TMEM132D: variants seen among roughly 807,000 people sequenced by gnomAD.
The protein encoded by TMEM132D is transmembrane protein 132D, also known as mature OL transmembrane protein.
Under a neutral mutation model 62.3 loss-of-function variants are expected in TMEM132D, and 21 were observed. The ratio of observed to expected loss-of-function variants is 0.34; its 90% CI spans 0.24 to 0.49. The LOEUF (loss-of-function observed/expected upper bound fraction) is 0.49, where lower values mean the gene tolerates loss of function less well. Ranked by LOEUF, TMEM132D falls within the 20% of genes least tolerant of loss-of-function variation. The probability of loss-of-function intolerance (pLI) is 0.99; values close to 1 mark genes in which losing one functional copy is unlikely to be tolerated. For missense variants in TMEM132D, 1,346 were observed against 1,402.8 expected (o/e 0.96, Z 0.65); for synonymous variants, 621 against 575.6 (o/e 1.08, Z -1.13).
intron 5 of TMEM132D, among the ~76,000 whole-genome samples, chr12:129,187,086 A>G (rs1878241389): frequency 6.6e-6 from 1 of 152,184 alleles, no homozygotes; most frequent in African/African-American, 2.4e-5. Flanking sequence ...TCCCAGGCAC[A>G]CGGCTAGCCT....
rs529646726 is a variant in TMEM132D, at chr12:129,763,371, CCCGA to C, written c.80-62677_80-62674del. 5.9e-4 allele frequency among the ~76,000 whole-genome samples: 90 copies of C among 151,898 alleles called. 1 individual carries two copies. The South Asian group carries it at 0.018, about 31-fold the overall frequency. Reference sequence around the variant, plus strand: ...GGGGTTACGGGCATGTGCCACCATGCCCGACCAAGAACTCAACTTTTAAAACTTG... The same window carrying C: ...GGGGTTACGGGCATGTGCCACCATGCCCAAGAACTCAACTTTTAAAACTTG... On this transcript the variant is annotated intron_variant, in intron 1 of 8. Coordinates refer to ENST00000422113, the MANE Select transcript of TMEM132D (RefSeq NM_133448.3).
At chr12:129,158,488 A>T (rs1419586368) in intron 5 of TMEM132D, among the ~76,000 whole-genome samples, 5 of 152,260 alleles carry the variant, frequency 3.3e-5, no homozygotes, top group African/African-American at 1.2e-4. Context: ...AGAACATAAA[A>T]GTGGTTTGGA....
intron 2 of TMEM132D, among the ~76,000 whole-genome samples, chr12:129,694,786 C>A (rs1453008730): frequency 4.6e-5 from 7 of 152,104 alleles, no homozygotes; most frequent in South Asian, 2.1e-4. Context: ...AGGCGGGCAG[C>A]TCACGAGGTC....
intron 5 of TMEM132D, among the ~76,000 whole-genome samples, chr12:129,088,670 C>A (rs371280007): frequency 0.017 from 741 of 44,738 alleles, 129 homozygotes; most frequent in Non-Finnish European, 0.019. Flanking sequence ...GGTGTCCTCC[C>A]TGACCGGGGT....
chr12:129,130,913 C>T (rs1440348544), intron 5 of TMEM132D, among the ~76,000 whole-genome samples: 1 of 152,168 alleles, frequency 6.6e-6, no homozygotes, highest in East Asian at 1.9e-4. Flanking sequence ...TTGGGATTGT[C>T]TGGGGAGCTT....
In TMEM132D at chr12:129,862,185, C is replaced by T. The variant is rs12309791; in HGVS notation, c.79+41076G>A. 4.3e-3 allele frequency among the ~76,000 whole-genome samples: 650 copies of T among 152,272 alleles called. 4 individuals carry two copies. Among genetic ancestry groups the T allele is most frequent in the African/African-American group, 0.015 (626 of 41,548 alleles). On this transcript the variant is annotated intron_variant, in intron 1 of 8. Coordinates refer to ENST00000422113, the MANE Select transcript of TMEM132D (RefSeq NM_133448.3). ...CCCGGTGGTGATAAATCAGGTCTGTCTGGGAAGTGGGAAAAATAAACCTGT... is the reference window on the plus strand; with the variant it reads ...CCCGGTGGTGATAAATCAGGTCTGTTTGGGAAGTGGGAAAAATAAACCTGT...
intron 2 of TMEM132D, among the ~76,000 whole-genome samples, chr12:129,623,771 A>G (rs1003216004): frequency 8.0e-5 from 12 of 150,010 alleles, no homozygotes; most frequent in Non-Finnish European, 1.5e-4. Context: ...ACATATATAT[A>G]CACATATATA....
At chr12:129,317,000 CT>C (rs1868509126) in intron 4 of TMEM132D, among the ~76,000 whole-genome samples, 1 of 152,002 alleles carries the variant, frequency 6.6e-6, no homozygotes, top group Admixed American at 6.6e-5. Flanking sequence ...TCGTATGACA[CT>C]CCTTTACTTT....
Position 129,561,947 on chromosome 12 carries a change from G to C in TMEM132D, c.969-30742C>G, listed in dbSNP as rs149386240. ...CGTTTGAACTGAAGGAAGGTGAAAA[G>C]TTTCTGTGCAAATTAATTCAGAGCG... On this transcript the variant is annotated intron_variant, in intron 2 of 8. Coordinates refer to ENST00000422113, the MANE Select transcript of TMEM132D (RefSeq NM_133448.3). Among the ~76,000 whole-genome samples, 31 of 152,298 alleles carry C rather than the reference G, an allele frequency of 2.0e-4. No homozygotes were observed. In the East Asian group the frequency reaches 3.3e-3, roughly 16 times the overall value.
chr12:129,841,686 C>T (rs1277309661), intron 1 of TMEM132D, among the ~76,000 whole-genome samples: 3 of 152,128 alleles, frequency 2.0e-5, no homozygotes, highest in Non-Finnish European at 2.9e-5. Context: ...GAGAACTCAA[C>T]GACGAAGTTG....
chr12:129,207,262 C>T (rs75778045), intron 5 of TMEM132D, among the ~76,000 whole-genome samples: 3,831 of 151,360 alleles, frequency 0.025, 164 homozygotes, highest in African/African-American at 0.088. Flanking sequence ...TACAGCACCG[C>T]CCTCATGGAG....
chr12:129,408,958 A>C (rs969534226), intron 3 of TMEM132D, among the ~76,000 whole-genome samples: 4 of 151,928 alleles, frequency 2.6e-5, no homozygotes, highest in Non-Finnish European at 5.9e-5. Context: ...TTTGAGATGG[A>C]GTCTTGCTCT....
chr12:129,670,184 A>G (rs575888919), intron 2 of TMEM132D, among the ~76,000 whole-genome samples: 1 of 152,326 alleles, frequency 6.6e-6, no homozygotes, highest in African/African-American at 2.4e-5. Context: ...GTCCTTGTTC[A>G]TTCCTGGGCT....
At chr12:129,689,497 C>T (rs1881012430) in intron 2 of TMEM132D, among the ~76,000 whole-genome samples, 1 of 152,164 alleles carries the variant, frequency 6.6e-6, no homozygotes, top group South Asian at 2.1e-4. Flanking sequence ...AAATGCTCCC[C>T]AACTGCCTGC....
chr12:129,297,428 T>C (rs1566025214), intron 4 of TMEM132D, among the ~76,000 whole-genome samples: 1 of 152,114 alleles, frequency 6.6e-6, no homozygotes, highest in Admixed American at 6.5e-5. Context: ...AGGAAAGATA[T>C]TGGGACAAAC....
chr12:129,317,811 A>G (rs1868534154), intron 4 of TMEM132D, among the ~76,000 whole-genome samples: 1 of 152,148 alleles, frequency 6.6e-6, no homozygotes, highest in Admixed American at 6.5e-5. Context: ...ATATAATCCC[A>G]GACTTTTTGG....
At chr12:129,200,937 G>T (rs1878688831) in intron 5 of TMEM132D, among the ~76,000 whole-genome samples, 1 of 152,206 alleles carries the variant, frequency 6.6e-6, no homozygotes, top group African/African-American at 2.4e-5. Context: ...GCAGTTTGCT[G>T]CACTCACAGA....
intron 3 of TMEM132D, among the ~76,000 whole-genome samples, chr12:129,493,902 A>AG (rs1288334062): frequency 3.3e-5 from 5 of 152,290 alleles, no homozygotes; most frequent in Non-Finnish European, 7.4e-5. Context: ...AAGAGAGAAA[A>AG]GCATCAGAGA....
rs147258507 is a variant in TMEM132D, at chr12:129,209,726, A to G, written c.1300-63T>C. 1,936 of 1,592,560 alleles carry G rather than the reference A, an allele frequency of 1.2e-3. 5 individuals are homozygous for G. The highest frequency in any genetic ancestry group is 4.1e-3 in the Admixed American group (245 of 59,382). ...CTGAGACGGCCCAGTCCCTGGGAGT[A>G]TGCCGCCTGCCTTTCCTCAGCCTCC... On this transcript the variant is annotated intron_variant, in intron 4 of 8. Coordinates refer to ENST00000422113, the MANE Select transcript of TMEM132D (RefSeq NM_133448.3).
Sources: gnomAD v4.1 joint callset for allele counts (sites outside exome capture counted in the v4.1 genomes callset) on GRCh38, gnomAD v4.1.1 for gene constraint, MANE v1.5 for transcripts, NCBI Gene and HGNC (gene_info 2026-07-23, HGNC 2026-07-21) for gene names.